The following CALN1 variants were observed in gnomAD, a reference collection of about 807,000 sequenced individuals.
CALN1 encodes calcium-binding protein 8.
In CALN1, 17 loss-of-function variants were observed where a neutral mutation model predicts 30.6. That is an observed-to-expected ratio of 0.56 (90% confidence interval 0.38 to 0.83). The LOEUF is 0.83. Among genes scored for constraint, CALN1 ranks in the 40% least tolerant of loss-of-function variants. The pLI is 0.00. For synonymous variants in CALN1, 156 were observed against 131.4 expected, an observed-to-expected ratio of 1.19 and a Z score of -1.28; for missense variants, 291 against 354.9, an observed-to-expected ratio of 0.82 and a Z score of 1.45.
At chr7:72,017,695 A>T (rs1800478048) in intron 5 of CALN1, among the ~76,000 whole-genome samples, 2 of 152,190 alleles carry the variant, frequency 1.3e-5, no homozygotes, top group African/African-American at 4.8e-5. Flanking sequence ...CAATGAGCAG[A>T]TCTATTTGCT....
At chr7:71,947,934 C>CAAAA (rs5884865) in intron 5 of CALN1, among the ~76,000 whole-genome samples, 68 of 137,784 alleles carry the variant, frequency 4.9e-4, no homozygotes, top group South Asian at 1.9e-3. Flanking sequence ...GACTCCGTCT[C>CAAAA]AAAAAAAAAA....
intron 2 of CALN1, 41 bp downstream of exon 2, chr7:72,403,210 C>G: frequency 6.6e-7 from 1 of 1,505,990 alleles, no homozygotes; most frequent in Non-Finnish European, 9.0e-7. Context: ...TGAGGGCTGC[C>G]AAACAATCTA....
At chr7:72,476,968 T>C in the CALN1 span, among the ~76,000 whole-genome samples, 2 of 152,212 alleles carry the variant, frequency 1.3e-5, no homozygotes, top group African/African-American at 4.8e-5. Context: ...CCCAGCACTT[T>C]GGGAGGCCAA....
At chr7:72,360,589 A>C (rs937814243) in intron 2 of CALN1, among the ~76,000 whole-genome samples, 1 of 150,450 alleles carries the variant, frequency 6.6e-6, no homozygotes, top group African/African-American at 2.5e-5. Context: ...TAAATACTGT[A>C]ACACTTTTTC....
At chr7:71,872,238 A>G (rs953368968) in intron 5 of CALN1, among the ~76,000 whole-genome samples, 9 of 152,264 alleles carry the variant, frequency 5.9e-5, no homozygotes, top group African/African-American at 1.7e-4. Context: ...TGCACCCTCC[A>G]TAAGGGCAGA....
At chr7:72,204,854 T>C (rs940891968) in intron 3 of CALN1, among the ~76,000 whole-genome samples, 1 of 152,176 alleles carries the variant, frequency 6.6e-6, no homozygotes, top group East Asian at 1.9e-4. Flanking sequence ...AAATATAAAA[T>C]TCTTAAAAAT....
chr7:72,379,341 C>T (rs113871507), intron 2 of CALN1, among the ~76,000 whole-genome samples: 3 of 152,278 alleles, frequency 2.0e-5, no homozygotes, highest in African/African-American at 4.8e-5. Flanking sequence ...TTAAAGGATA[C>T]ATTAAAGGGT....
intron 3 of CALN1, among the ~76,000 whole-genome samples, chr7:72,140,274 A>G (rs994670515): frequency 1.9e-4 from 12 of 64,196 alleles, no homozygotes; most frequent in Non-Finnish European, 2.5e-4. Flanking sequence ...TTGTCTCAAA[A>G]TAAGAGAGAG....
In CALN1 at chr7:72,314,722, T is replaced by G. The variant is rs968641095; in HGVS notation, c.120-35912A>C. Among the ~76,000 whole-genome samples, 10 of 152,036 alleles carry G rather than the reference T, an allele frequency of 6.6e-5. No homozygotes were observed. The South Asian group carries it at 1.0e-3, about 16-fold the overall frequency. On this transcript the variant is annotated intron_variant, in intron 2 of 6. Transcript: ENST00000395275. ...GAGCCACCGTGCCCGGCCATATTTTTTAATTTTTAAAAGAACGCAGAGGTA... is the reference window on the plus strand; with the variant it reads ...GAGCCACCGTGCCCGGCCATATTTTGTAATTTTTAAAAGAACGCAGAGGTA...
At chr7:72,200,975 T>C (rs1295149778) in intron 3 of CALN1, among the ~76,000 whole-genome samples, 3 of 152,316 alleles carry the variant, frequency 2.0e-5, no homozygotes, top group Non-Finnish European at 4.4e-5. Context: ...AAGACACCTG[T>C]TACTCACATG....
chr7:72,317,860 G>A (rs1299810267), intron 2 of CALN1, among the ~76,000 whole-genome samples: 5 of 152,020 alleles, frequency 3.3e-5, no homozygotes, highest in South Asian at 2.1e-4. Context: ...GAATGTCCTC[G>A]CAACAGATGA....
intron 3 of CALN1, among the ~76,000 whole-genome samples, chr7:72,273,482 A>C (rs1243721747): frequency 6.8e-6 from 1 of 147,656 alleles, no homozygotes; most frequent in African/African-American, 2.5e-5. Context: ...GTTTGGGATA[A>C]AGTGAAGAAG....
chr7:72,129,266 A>T (rs1808975079), intron 3 of CALN1, among the ~76,000 whole-genome samples: 1 of 152,232 alleles, frequency 6.6e-6, no homozygotes, highest in Non-Finnish European at 1.5e-5. Flanking sequence ...CCTCTCAAAC[A>T]TTAGTGATGG....
At chr7:72,404,128 G>A (rs1186570495) in intron 1 of CALN1, among the ~76,000 whole-genome samples, 1 of 152,136 alleles carries the variant, frequency 6.6e-6, no homozygotes, top group East Asian at 1.9e-4. Context: ...ACTCAGCTCA[G>A]GTGTCACCTC....
intron 2 of CALN1, among the ~76,000 whole-genome samples, chr7:72,370,306 G>T (rs191152252): frequency 6.6e-6 from 1 of 152,014 alleles, no homozygotes; most frequent in Non-Finnish European, 1.5e-5. Flanking sequence ...TTGTGCTCAT[G>T]TCTTTTACCC....
At chr7:71,939,185 T>C (rs1227987301) in intron 5 of CALN1, among the ~76,000 whole-genome samples, 1 of 152,092 alleles carries the variant, frequency 6.6e-6, no homozygotes, top group Non-Finnish European at 1.5e-5. Context: ...GTCATATCTT[T>C]TGCGATACTG....
intron 5 of CALN1, among the ~76,000 whole-genome samples, chr7:71,936,934 T>C (rs1402081101): frequency 6.6e-6 from 1 of 151,804 alleles, no homozygotes; most frequent in Non-Finnish European, 1.5e-5. Flanking sequence ...TTTCTCTTGC[T>C]GCCACCATAT....
intron 3 of CALN1, among the ~76,000 whole-genome samples, chr7:72,151,013 ACTGC>A (rs1166310626): frequency 6.6e-6 from 1 of 152,032 alleles, no homozygotes; most frequent in Non-Finnish European, 1.5e-5. Flanking sequence ...TGGCCCTCAC[ACTGC>A]CTTCCCGTCC....
At chr7:71,888,432 C>CGAGAGA (rs113040770) in intron 5 of CALN1, among the ~76,000 whole-genome samples, 14,663 of 128,248 alleles carry the variant, frequency 0.11, 1,193 homozygotes, top group East Asian at 0.43. Context: ...AAGCCATTAT[C>CGAGAGA]GAGAGAGAGA....
Sources: allele counts gnomAD v4.1 joint callset (sites outside exome capture counted in the v4.1 genomes callset), GRCh38; gene constraint gnomAD v4.1.1; transcripts MANE v1.5; gene names NCBI Gene and HGNC (gene_info 2026-07-23, HGNC 2026-07-21).